The following UTP25 variants were observed in gnomAD, a reference collection of about 807,000 sequenced individuals.
The protein encoded by UTP25 is UTP25 small subunit processome component.
Under a neutral mutation model 78.9 loss-of-function variants are expected in UTP25, and 50 were observed. That is an observed-to-expected ratio of 0.63 (90% CI 0.50 to 0.80). The LOEUF is 0.80. UTP25 is among the 30% of genes least tolerant of loss of function. UTP25 has a pLI of 0.00. For synonymous variants in UTP25, 329 were observed against 336.5 expected, an observed-to-expected ratio of 0.98 and a Z score of 0.24; for missense variants, 846 against 911.3, an observed-to-expected ratio of 0.93 and a Z score of 0.92.
intron 3 of UTP25, among the ~76,000 whole-genome samples, 159 bp from the exon 4 acceptor site, chr1:209,833,026 T>G (rs4240837): frequency 0.15 from 22,885 of 152,264 alleles, 2,194 homozygotes; most frequent in Non-Finnish European, 0.2. Context: ...TGTTGATGAT[T>G]AGGCTTAATT....
chr1:209,852,908 C>A lies in UTP25; in HGVS notation c.*1461C>A, dbSNP rs1351126809. On this transcript the variant is annotated 3_prime_UTR_variant, in exon 12 of 12. Coordinates refer to ENST00000491415, the MANE Select transcript of UTP25 (RefSeq NM_014388.7). ...AGTACCTCCAATTCTAGTCCAACAA[C>A]ACAGGATTGCTTCTCATTTTCTTTC... 1 of 152,184 alleles carries A rather than the reference C, an allele frequency of 6.6e-6. No individual in the cohort carries two copies. Among genetic ancestry groups the A allele is most frequent in the Non-Finnish European group, 1.5e-5 (1 of 68,034 alleles). The allele number at this position is 152,184 out of a possible 1,614,324, so 9.4% of individuals were successfully genotyped here.
At chr1:209,840,054 G>A (rs1488713146) in intron 7 of UTP25, among the ~76,000 whole-genome samples, 1 of 152,180 alleles carries the variant, frequency 6.6e-6, no homozygotes, top group Non-Finnish European at 1.5e-5. Context: ...GGGTGACTAA[G>A]CTTGGAATGA....
Position 209,852,234 on chromosome 1 carries a change from A to G in UTP25, c.*787A>G, listed in dbSNP as rs909677296. On this transcript the variant is annotated 3_prime_UTR_variant, in exon 12 of 12. Coordinates refer to ENST00000491415, the MANE Select transcript of UTP25 (RefSeq NM_014388.7). ...CTTTTAAAAACATTTTTATTTTGAA[A>G]CATTCTCAAACAGAAAAATTCCAAG... 1 of 152,218 alleles carries G rather than the reference A, an allele frequency of 6.6e-6. No individual in the cohort carries two copies. The highest frequency in any genetic ancestry group is 2.4e-5 in the African/African-American group (1 of 41,464). The allele number at this position is 152,218 out of a possible 1,614,324, so 9.4% of individuals were successfully genotyped here. A position where few individuals can be genotyped will look rare whatever the true frequency, so the allele number is the denominator to read the frequency against.
chr1:209,850,459 G>A (rs908539857), intron 11 of UTP25, among the ~76,000 whole-genome samples: 2 of 152,224 alleles, frequency 1.3e-5, no homozygotes, highest in Non-Finnish European at 2.9e-5. Flanking sequence ...GTGTATGAGA[G>A]AAACTTAACA....
rs1396352858 is a variant in UTP25 at position 209,842,667 on chromosome 1, G to A, written c.1753G>A (p.Glu585Lys). The A allele has an allele frequency of 1.2e-6, 2 of 1,612,834 alleles. No homozygotes were observed. Residue 585 changes from glutamate to lysine, a missense_variant, in exon 10 of 12, where the codon GAA becomes AAA. Physicochemically the swap from Glu to Lys is moderately conservative, Grantham distance 56. Transcript: ENST00000491415. The stretch of plus-strand genomic sequence containing the variant: ...ACATGTCTTCCAGAGGATGGAAGCT[G>A]AAAACCTAGCTTCAGTGATTGATGC... ...LPHVFQRMEA[E>K]NLASVIDARF...
Position 209,851,531 on chromosome 1 carries a change from A to C in UTP25, c.*84A>C, listed in dbSNP as rs1482660298. Reference sequence around the variant, plus strand: ...TTTGGACCCAATTCTGATTACTTACAGAAGAAGGACTGATACAAAGAAAGT... The same window carrying C: ...TTTGGACCCAATTCTGATTACTTACCGAAGAAGGACTGATACAAAGAAAGT... On this transcript the variant is annotated 3_prime_UTR_variant, in exon 12 of 12. Coordinates refer to ENST00000491415, the MANE Select transcript of UTP25 (RefSeq NM_014388.7). 8 of 1,490,376 alleles carry C rather than the reference A, an allele frequency of 5.4e-6. No homozygotes were observed. The East Asian group carries it at 1.6e-4, about 30-fold the overall frequency. The allele number at this position is 1,490,376 out of a possible 1,614,324, so 92.3% of individuals were successfully genotyped here. A position where few individuals can be genotyped will look rare whatever the true frequency, so the allele number is the denominator to read the frequency against.
chr1:209,851,161 T>A, intron 11 of UTP25, 43 bp from the exon 12 acceptor site: 2 of 1,578,722 alleles, frequency 1.3e-6, no homozygotes, highest in Non-Finnish European at 1.7e-6. Flanking sequence ...TTCTAGAACT[T>A]GTTTCTCAAG....
chr1:209,828,157 C>T lies in UTP25; in HGVS notation c.94C>T (p.Pro32Ser). 6.2e-7 allele frequency: 1 copy of T among 1,613,936 alleles called. No individual in the cohort carries two copies. Among genetic ancestry groups the T allele is most frequent in the Non-Finnish European group, 8.5e-7 (1 of 1,179,810 alleles). ...TCTTCGAGATTTCGGCGAGGAGCAT[C>T]CCTTCTATGACAGGTCTGAAGGGGC... ...KHLRDFGEEH[P>S]FYDRVSRKEA... The change falls in exon 1 of 12, where the codon CCC (proline) becomes TCC (serine). Residue 32 changes from proline (P) to serine (S), a missense_variant. Physicochemically the swap from Pro to Ser is moderately conservative, Grantham distance 74. Transcript: ENST00000491415.
chr1:209,842,242 G>A (rs756253470), intron 8 of UTP25, 23 bp from the exon 9 acceptor site: 1 of 1,610,484 alleles, frequency 6.2e-7, no homozygotes, highest in South Asian at 1.1e-5. Flanking sequence ...CAACACTAAT[G>A]GTAATATTAT....
At position 209,837,097 on chromosome 1, in the gene UTP25, T is replaced by C. The variant is rs750132650; in HGVS notation, c.948T>C (p.Asn316=). Reference sequence around the variant, plus strand: ...ATGTGTATTGCCTGCATGTGATAAATCACATCCTCAAAGCCAATGCCCAGG... The same window carrying C: ...ATGTGTATTGCCTGCATGTGATAAACCACATCCTCAAAGCCAATGCCCAGG... The part of the protein sequence containing the change: ...IRHVYCLHVI[N]HILKANAQVL... Residue 316 remains asparagine (N), a synonymous_variant, in exon 6 of 12, where the codon AAT becomes AAC. Transcript: ENST00000491415. 2 of 1,613,980 alleles carry C rather than the reference T, an allele frequency of 1.2e-6. No homozygotes were observed. Among genetic ancestry groups the C allele is most frequent in the Non-Finnish European group, 1.7e-6 (2 of 1,180,008 alleles).
intron 10 of UTP25, 186 bp from the exon 11 acceptor site, chr1:209,843,265 T>C: frequency 1.5e-6 from 1 of 674,048 alleles, no homozygotes; most frequent in Non-Finnish European, 2.5e-6. Context: ...GTGTTGACAC[T>C]TATTTTTTTA....
At position 209,842,615 on chromosome 1, in the gene UTP25, T is replaced by C. The variant is rs1405630343; in HGVS notation, c.1701T>C (p.Ser567=). ...TGAGGAATGTCCCAATGACAGGCTC[T>C]ATCAGTCATGTCCTGGTGCAGCTCC... is the stretch of plus-strand genomic sequence containing the variant. ...VAVRNVPMTG[S]ISHVLVQLPH... The change falls in exon 10 of 12, where the codon TCT becomes TCC. Residue 567 remains serine (S), a synonymous_variant. Transcript: ENST00000491415. The C allele has an allele frequency of 6.2e-7, 1 of 1,613,948 alleles. No individual in the cohort carries two copies. The highest frequency in any genetic ancestry group is 8.5e-7 in the Non-Finnish European group (1 of 1,179,948).
Position 209,841,050 on chromosome 1 carries a change from G to A in UTP25, c.1480G>A (p.Val494Ile). Residue 494 changes from valine to isoleucine, a missense_variant, in exon 8 of 12, where the codon GTC (valine) becomes ATC (isoleucine). Transcript: ENST00000491415. ...DIYLMQNWEH[V>I]LHLMNHMNLL... ...TTACCTGATGCAGAACTGGGAGCAT[G>A]TCCTGGTAATGCTGGCCATTCACAT... 6.2e-7 allele frequency: 1 copy of A among 1,613,916 alleles called. No homozygotes were observed. Among genetic ancestry groups the A allele is most frequent in the South Asian group, 1.1e-5 (1 of 91,078 alleles).
In UTP25 at chr1:209,857,300, T is replaced by A. The variant is rs1438838116; in HGVS notation, c.*5853T>A. Reference sequence around the variant, plus strand: ...ACATCTACCATGTCTCCTATGAAACTTGCTTCTCCAGGCCAATCATCCTTA... The same window carrying A: ...ACATCTACCATGTCTCCTATGAAACATGCTTCTCCAGGCCAATCATCCTTA... On this transcript the variant is annotated 3_prime_UTR_variant, in exon 12 of 12. Coordinates refer to ENST00000491415, the MANE Select transcript of UTP25 (RefSeq NM_014388.7). 1 of 152,110 alleles carries A rather than the reference T, an allele frequency of 6.6e-6. No homozygotes were observed. Among genetic ancestry groups the A allele is most frequent in the Non-Finnish European group, 1.5e-5 (1 of 68,030 alleles). The allele number at this position is 152,110 out of a possible 1,614,324, so 9.4% of individuals were successfully genotyped here.
At position 209,833,186 on chromosome 1, in the gene UTP25, T is replaced by C; in HGVS notation, c.390T>C (p.Asn130=). The C allele has an allele frequency of 6.8e-6, 11 of 1,609,618 alleles. No homozygotes were observed. Among genetic ancestry groups the C allele is most frequent in the Non-Finnish European group, 9.3e-6 (11 of 1,178,822 alleles). Residue 130 remains asparagine, a splice_region_variant and synonymous_variant, in exon 4 of 12, where the codon AAT becomes AAC. Coordinates refer to ENST00000491415, the MANE Select transcript of UTP25 (RefSeq NM_014388.7). ...ATAAAATGTTTCTCAAAACTGCAGA[T>C]GTAGCTTTATCTGCTGACCCTGAGG... ...MAAESTESPE[N]VALSADPEGK... is the part of the protein sequence containing the mutation.
intron 11 of UTP25, among the ~76,000 whole-genome samples, chr1:209,850,638 C>T (rs11801099): frequency 0.018 from 2,691 of 152,310 alleles, 86 homozygotes; most frequent in African/African-American, 0.06. Flanking sequence ...GAAATGCATA[C>T]GCTGTTGAAA....
chr1:209,828,361 T>C (rs2078081597), intron 1 of UTP25, among the ~76,000 whole-genome samples, 191 bp downstream of exon 1: 1 of 151,840 alleles, frequency 6.6e-6, no homozygotes, highest in South Asian at 2.1e-4. Flanking sequence ...GTTGAGCCTG[T>C]AATTTCCTGC....
intron 7 of UTP25, among the ~76,000 whole-genome samples, chr1:209,839,685 C>T (rs971158767): frequency 2.0e-5 from 3 of 152,164 alleles, no homozygotes; most frequent in African/African-American, 7.2e-5. Flanking sequence ...GGGAAATGTT[C>T]ATTAGTCACA....
chr1:209,836,715 G>A (rs2078134914), intron 5 of UTP25, 86 bp from the exon 6 acceptor site: 2 of 1,415,678 alleles, frequency 1.4e-6, no homozygotes, highest in Admixed American at 4.6e-5. Flanking sequence ...TATAAATCAT[G>A]AAAAAATTCG....
Sources: allele counts gnomAD v4.1 joint callset (sites outside exome capture counted in the v4.1 genomes callset), GRCh38; gene constraint gnomAD v4.1.1; transcripts MANE v1.5; gene names NCBI Gene and HGNC (gene_info 2026-07-23, HGNC 2026-07-21).